FRMD4A: variants seen among roughly 807,000 people sequenced by gnomAD.
FRMD4A encodes the protein FERM domain-containing protein 4A.
A neutral mutation model predicts 129.1 loss-of-function variants in FRMD4A; 29 were observed. The ratio of observed to expected loss-of-function variants is 0.22; its 90% confidence interval spans 0.17 to 0.31. The LOEUF is 0.31. FRMD4A is among the 10% of genes least tolerant of loss of function. The pLI is 1.00. For synonymous variants in FRMD4A, 634 were observed against 571.6 expected (o/e 1.11, Z -1.56); for missense variants, 1,272 against 1,375.8 (o/e 0.92, Z 1.19).
intron 8 of FRMD4A, among the ~76,000 whole-genome samples, chr10:13,749,479 A>G (rs2091460497): frequency 6.6e-6 from 1 of 152,222 alleles, no homozygotes; most frequent in South Asian, 2.1e-4. Flanking sequence ...TCCAGCACCT[A>G]TGCTGCTAAC....
At chr10:13,874,457 A>C (rs563530100) in intron 2 of FRMD4A, among the ~76,000 whole-genome samples, 1 of 152,202 alleles carries the variant, frequency 6.6e-6, no homozygotes, top group South Asian at 2.1e-4. Flanking sequence ...TGAATGAGCC[A>C]AAAAGGAAAA....
intron 4 of FRMD4A, among the ~76,000 whole-genome samples, chr10:13,806,288 C>A (rs1385027615): frequency 6.6e-6 from 1 of 151,916 alleles, no homozygotes; most frequent in Non-Finnish European, 1.5e-5. Context: ...CTGCACTCAG[C>A]CCACAATTAA....
intron 2 of FRMD4A, among the ~76,000 whole-genome samples, chr10:13,929,413 C>G (rs1388841333): frequency 1.3e-5 from 2 of 152,162 alleles, no homozygotes; most frequent in African/African-American, 4.8e-5. Context: ...CCTACTACGC[C>G]CTGGGTCACC....
chr10:14,091,770 T>C (rs145204982), intron 2 of FRMD4A, among the ~76,000 whole-genome samples: 96 of 152,372 alleles, frequency 6.3e-4, no homozygotes, highest in African/African-American at 2.1e-3. Flanking sequence ...TTTCCCTGTC[T>C]GCCTCAGGGA....
intron 3 of FRMD4A, among the ~76,000 whole-genome samples, chr10:13,848,754 G>C (rs1485635030): frequency 3.3e-5 from 5 of 152,134 alleles, no homozygotes; most frequent in African/African-American, 1.2e-4. Flanking sequence ...AACCAGGGCA[G>C]AAAGAAAGCT....
chr10:14,075,778 A>G (rs574076247), intron 2 of FRMD4A, among the ~76,000 whole-genome samples: 1 of 152,192 alleles, frequency 6.6e-6, no homozygotes, highest in African/African-American at 2.4e-5. Flanking sequence ...GTATATGCAC[A>G]CACACACACA....
At chr10:14,030,150 G>A (rs1014218689) in intron 2 of FRMD4A, among the ~76,000 whole-genome samples, 2 of 152,224 alleles carry the variant, frequency 1.3e-5, no homozygotes, top group African/African-American at 2.4e-5. Flanking sequence ...TTTCAGTTAC[G>A]CAGGAGGAAT....
At chr10:13,840,938 T>C (rs2130974143) in intron 3 of FRMD4A, among the ~76,000 whole-genome samples, 1 of 151,810 alleles carries the variant, frequency 6.6e-6, no homozygotes, top group East Asian at 1.9e-4. Flanking sequence ...TGAGACCTCA[T>C]CTCTACAGAA....
At chr10:13,800,907 A>G (rs1037386381) in intron 4 of FRMD4A, among the ~76,000 whole-genome samples, 4 of 152,206 alleles carry the variant, frequency 2.6e-5, no homozygotes, top group African/African-American at 9.6e-5. Context: ...GTTCCCGGCC[A>G]TCTATTGGTT....
At chr10:14,249,606 T>A (rs1490520718) in intron 2 of FRMD4A, among the ~76,000 whole-genome samples, 1 of 152,204 alleles carries the variant, frequency 6.6e-6, no homozygotes, top group Non-Finnish European at 1.5e-5. Context: ...CTATTTCTTC[T>A]ACCGACCCAG....
At position 13,884,144 on chromosome 10, in the gene FRMD4A, T is replaced by TCACCCACACACACACTAACACACACA. The variant is rs773933481; in HGVS notation, c.46-25233_46-25232insTGTGTGTGTTAGTGTGTGTGTGGGTG. 1.2e-3 allele frequency among the ~76,000 whole-genome samples: 130 copies of TCACCCACACACACACTAACACACACA among 105,154 alleles called. 3 individuals carry two copies. Among genetic ancestry groups the TCACCCACACACACACTAACACACACA allele is most frequent in the Admixed American group, 0.011 (124 of 10,870 alleles). 69.0% of individuals were successfully genotyped at this position (105,154 alleles called of 152,430 possible). On this transcript the variant is annotated intron_variant, in intron 2 of 24. Transcript: ENST00000357447. Reference sequence around the variant, plus strand: ...CACTCACACACACGCTCACACACACTCTCACACACTCTCACACACACACTC... The same window carrying TCACCCACACACACACTAACACACACA: ...CACTCACACACACGCTCACACACACTCACCCACACACACACTAACACACACACTCACACACTCTCACACACACACTC...
chr10:14,066,487 A>C (rs1227232713), intron 2 of FRMD4A, among the ~76,000 whole-genome samples: 1 of 151,898 alleles, frequency 6.6e-6, no homozygotes, highest in African/African-American at 2.4e-5. Flanking sequence ...TGAGTAGGGA[A>C]GATAAAGAGT....
At chr10:14,072,510 C>T (rs757745968) in intron 2 of FRMD4A, among the ~76,000 whole-genome samples, 89 of 152,160 alleles carry the variant, frequency 5.8e-4, no homozygotes, top group Non-Finnish European at 9.8e-4. Context: ...TAAAGCCTAA[C>T]GCTTTCTGAG....
At chr10:13,696,792 T>C (rs1589423793) in intron 14 of FRMD4A, among the ~76,000 whole-genome samples, 3 of 152,124 alleles carry the variant, frequency 2.0e-5, no homozygotes, top group Non-Finnish European at 4.4e-5. Flanking sequence ...TCCCAGTGAA[T>C]CACTATCGGA....
intron 2 of FRMD4A, among the ~76,000 whole-genome samples, chr10:14,029,217 C>A (rs796949343): frequency 2.0e-5 from 3 of 151,202 alleles, no homozygotes; most frequent in Admixed American, 6.6e-5. Flanking sequence ...GCGGGCTTAA[C>A]GTTTTAGTGG....
intron 2 of FRMD4A, among the ~76,000 whole-genome samples, chr10:14,210,884 T>C (rs1842917095): frequency 1.3e-5 from 2 of 152,144 alleles, no homozygotes; most frequent in African/African-American, 2.4e-5. Context: ...CATGCCACCA[T>C]GTCCTGCTAA....
At chr10:13,938,446 T>C (rs1173883212) in intron 2 of FRMD4A, among the ~76,000 whole-genome samples, 3 of 152,198 alleles carry the variant, frequency 2.0e-5, no homozygotes, top group African/African-American at 7.2e-5. Flanking sequence ...TTTCGCCATG[T>C]TGCCCAGGGT....
rs546995223 is a variant in FRMD4A, at chr10:13,798,004, C to T, written c.207-1416G>A. Among the ~76,000 whole-genome samples, 8 of 152,216 alleles carry T rather than the reference C, an allele frequency of 5.3e-5. No individual in the cohort carries two copies. In the East Asian group the frequency reaches 1.5e-3, roughly 29 times the overall value. ...GGATCTGCCTTAGAATAGTGACCAC[C>T]TGAAGAACTTTGGCCTGTTTTTCCT... is the stretch of plus-strand genomic sequence containing the variant. On this transcript the variant is annotated intron_variant, in intron 4 of 24. Transcript: ENST00000357447.
intron 3 of FRMD4A, among the ~76,000 whole-genome samples, chr10:13,816,819 C>T (rs776312827): frequency 6.6e-6 from 1 of 152,162 alleles, no homozygotes; most frequent in Non-Finnish European, 1.5e-5. Flanking sequence ...GTAGCCCAAT[C>T]GCATTCTATT....
Sources: gnomAD v4.1 joint callset for allele counts (sites outside exome capture counted in the v4.1 genomes callset) on GRCh38, gnomAD v4.1.1 for gene constraint, MANE v1.5 for transcripts, NCBI Gene and HGNC (gene_info 2026-07-23, HGNC 2026-07-21) for gene names.